AKAP6: variants seen among roughly 807,000 people sequenced by gnomAD.
AKAP6 encodes A-kinase anchor protein 6.
Under a neutral mutation model 188.5 loss-of-function variants are expected in AKAP6, and 58 were observed. The observed-to-expected ratio is 0.31, with a 90% confidence interval of 0.25 to 0.38. The LOEUF is 0.38. AKAP6 is among the 10% of genes least tolerant of loss of function. The probability of loss-of-function intolerance (pLI) is 1.00; values close to 1 mark genes in which losing one functional copy is unlikely to be tolerated. For synonymous variants in AKAP6, 989 were observed against 998.6 expected (o/e 0.99, Z 0.18); for missense variants, 2,710 against 2,740.0 (o/e 0.99, Z 0.24).
rs149569044 is a variant in AKAP6, at chr14:32,798,248, A to G, written c.3589-23154A>G. Among the ~76,000 whole-genome samples, 220 of 152,350 alleles carry G rather than the reference A, an allele frequency of 1.4e-3. 3 individuals carry two copies. In the East Asian group the frequency reaches 0.037, roughly 25 times the overall value. On this transcript the variant is annotated intron_variant, in intron 12 of 13. Transcript: ENST00000280979. ...TTATTAAAAAGTCAAAAAATAATAG[A>G]TGCTGGCAAGGTTGCAGAGAAAAGG...
At chr14:32,759,954 C>T (rs772310664) in intron 11 of AKAP6, among the ~76,000 whole-genome samples, 2 of 152,210 alleles carry the variant, frequency 1.3e-5, no homozygotes, top group African/African-American at 4.8e-5. Flanking sequence ...TAATAAAATA[C>T]TGGTGCAACA....
Position 32,801,879 on chromosome 14 carries a change from C to T in AKAP6, c.3589-19523C>T, listed in dbSNP as rs369947216. On this transcript the variant is annotated intron_variant, in intron 12 of 13. Transcript: ENST00000280979. The stretch of plus-strand genomic sequence containing the variant: ...TGAGAAGTCCACTGTAGTTCTTATC[C>T]TTATTCCTCTATGGATACAGTTTTT... Among the ~76,000 whole-genome samples, 80 of 152,214 alleles carry T rather than the reference C, an allele frequency of 5.3e-4. 1 individual carries two copies. In the South Asian group the frequency reaches 0.017, roughly 32 times the overall value.
Position 32,786,306 on chromosome 14 carries a change from T to TTTTTTTTTTTTTTTTG in AKAP6, c.3588+12428_3588+12429insGTTTTTTTTTTTTTTT, listed in dbSNP as rs1297906120. Among the ~76,000 whole-genome samples, 39 of 90,210 alleles carry TTTTTTTTTTTTTTTTG rather than the reference T, an allele frequency of 4.3e-4. 3 individuals are homozygous for TTTTTTTTTTTTTTTTG. Among genetic ancestry groups the TTTTTTTTTTTTTTTTG allele is most frequent in the Non-Finnish European group, 8.9e-4 (37 of 41,724 alleles). The allele number at this position is 90,210 out of a possible 152,430, so 59.2% of individuals were successfully genotyped here. On this transcript the variant is annotated intron_variant, in intron 12 of 13. Coordinates refer to ENST00000280979, the MANE Select transcript of AKAP6 (RefSeq NM_004274.5). ...AAGACCTAAACCTTTATCTTTTTTTTTTTTTTTTTTTTTTTTTTTGAGACG... is the reference window on the plus strand; with the variant it reads ...AAGACCTAAACCTTTATCTTTTTTTTTTTTTTTTTTTTTTTGTTTTTTTTTTTTTTTTTTTGAGACG...
At chr14:32,752,249 T>G (rs1348425208) in intron 11 of AKAP6, among the ~76,000 whole-genome samples, 2 of 152,206 alleles carry the variant, frequency 1.3e-5, no homozygotes, top group Non-Finnish European at 2.9e-5. Flanking sequence ...GTAAACTGTC[T>G]GATGTCAAGT....
chr14:32,526,231 A>AT (rs528745603), intron 2 of AKAP6, among the ~76,000 whole-genome samples: 8 of 151,520 alleles, frequency 5.3e-5, no homozygotes, highest in African/African-American at 7.3e-5. Context: ...GGTCTGGATA[A>AT]TTTTTTTATT....
Position 32,471,053 on chromosome 14 carries a change from A to G in AKAP6, c.324+37236A>G, listed in dbSNP as rs148698623. On this transcript the variant is annotated intron_variant, in intron 2 of 13. Coordinates refer to ENST00000280979, the MANE Select transcript of AKAP6 (RefSeq NM_004274.5). Reference sequence around the variant, plus strand: ...AACTTAGGCCAGTTTTGAAAATGTAATAAACCAAATTTATAACTATGATAA... The same window carrying G: ...AACTTAGGCCAGTTTTGAAAATGTAGTAAACCAAATTTATAACTATGATAA... Among the ~76,000 whole-genome samples the G allele has an allele frequency of 2.1e-3, 315 of 152,350 alleles. 2 individuals are homozygous for G. The highest frequency in any genetic ancestry group is 7.1e-3 in the African/African-American group (295 of 41,592).
At chr14:32,449,155 T>A (rs1212316819) in intron 2 of AKAP6, among the ~76,000 whole-genome samples, 3 of 152,134 alleles carry the variant, frequency 2.0e-5, no homozygotes, top group Admixed American at 2.0e-4. Flanking sequence ...TAATTAGAAG[T>A]TAGGCATTAA....
chr14:32,666,156 T>A (rs1177016645), intron 7 of AKAP6, among the ~76,000 whole-genome samples: 2 of 152,142 alleles, frequency 1.3e-5, no homozygotes, highest in Non-Finnish European at 2.9e-5. Context: ...GAAAAATATT[T>A]TTGATATTTT....
intron 2 of AKAP6, among the ~76,000 whole-genome samples, chr14:32,523,831 T>A (rs1002796904): frequency 6.6e-6 from 1 of 151,728 alleles, no homozygotes; most frequent in Non-Finnish European, 1.5e-5. Context: ...TACTTACTGT[T>A]TTGTCAAAGA....
At chr14:32,771,394 A>C (rs996574935) in intron 11 of AKAP6, among the ~76,000 whole-genome samples, 4 of 151,954 alleles carry the variant, frequency 2.6e-5, no homozygotes. Context: ...CAGATATTGA[A>C]TATCAACAGT....
At chr14:32,451,744 A>G (rs1890940518) in intron 2 of AKAP6, among the ~76,000 whole-genome samples, 1 of 152,086 alleles carries the variant, frequency 6.6e-6, no homozygotes, top group Non-Finnish European at 1.5e-5. Flanking sequence ...GGCTATTTAA[A>G]TTTAAATAAA....
chr14:32,514,968 G>A (rs1055934959), intron 2 of AKAP6, among the ~76,000 whole-genome samples: 2 of 152,286 alleles, frequency 1.3e-5, no homozygotes, highest in African/African-American at 4.8e-5. Flanking sequence ...GTATGGATCT[G>A]CACTGTTATT....
At chr14:32,724,416 C>CA (rs1325518387) in intron 9 of AKAP6, among the ~76,000 whole-genome samples, 22 of 152,182 alleles carry the variant, frequency 1.4e-4, no homozygotes, top group Non-Finnish European at 2.1e-4. Flanking sequence ...ACTGGAAGTG[C>CA]ATACGCCTGA....
intron 1 of AKAP6, among the ~76,000 whole-genome samples, chr14:32,336,433 T>C (rs915188634): frequency 6.6e-6 from 1 of 152,144 alleles, no homozygotes; most frequent in Non-Finnish European, 1.5e-5. Context: ...TAGTCAACAA[T>C]TGACAAATGC....
At chr14:32,551,590 AG>A (rs1238996068) in intron 4 of AKAP6, among the ~76,000 whole-genome samples, 2 of 150,614 alleles carry the variant, frequency 1.3e-5, no homozygotes, top group East Asian at 2.0e-4. Context: ...AAAAAAAAAA[AG>A]GTGTAATCTG....
intron 2 of AKAP6, among the ~76,000 whole-genome samples, chr14:32,526,115 A>G (rs763827470): frequency 1.3e-5 from 2 of 152,074 alleles, no homozygotes; most frequent in Non-Finnish European, 1.5e-5. Flanking sequence ...CCCAGGCTGG[A>G]GTACAGTGGT....
intron 7 of AKAP6, among the ~76,000 whole-genome samples, chr14:32,673,209 C>T (rs1456762125): frequency 6.6e-6 from 1 of 152,198 alleles, no homozygotes; most frequent in African/African-American, 2.4e-5. Context: ...TCTGTCAAGC[C>T]TCTGCTCCAT....
At chr14:32,707,982 G>C (rs935836584) in intron 9 of AKAP6, among the ~76,000 whole-genome samples, 9 of 151,926 alleles carry the variant, frequency 5.9e-5, no homozygotes, top group Non-Finnish European at 1.0e-4. Context: ...GACATAAATG[G>C]TACAGAAATC....
intron 2 of AKAP6, among the ~76,000 whole-genome samples, chr14:32,465,278 CA>C (rs1191411556): frequency 6.6e-6 from 1 of 152,106 alleles, no homozygotes; most frequent in Non-Finnish European, 1.5e-5. Context: ...CCCGCACAGC[CA>C]AGACAATTCC....
Sources: allele counts gnomAD v4.1 joint callset (sites outside exome capture counted in the v4.1 genomes callset), GRCh38; gene constraint gnomAD v4.1.1; transcripts MANE v1.5; gene names NCBI Gene and HGNC (gene_info 2026-07-23, HGNC 2026-07-21).